Variants in MTUS1 observed in about 807,000 individuals in gnomAD.
MTUS1 encodes microtubule associated scaffold protein 1.
In MTUS1, 109 loss-of-function variants were observed where a neutral mutation model predicts 120.8. The ratio of observed to expected loss-of-function variants is 0.90; its 90% CI spans 0.77 to 1.06. The LOEUF (loss-of-function observed/expected upper bound fraction) is 1.06, where lower values mean the gene tolerates loss of function less well. MTUS1 is among the 50% of genes least tolerant of loss of function. The pLI is 0.00. For synonymous variants in MTUS1, 737 were observed against 550.5 expected (o/e 1.34, Z -4.74); for missense variants, 2,210 against 1,486.3 (o/e 1.49, Z -8.01).
In MTUS1 at chr8:17,767,707, A is replaced by AAAAAAAAAAAAAACAAACAAACAAAC. The variant is rs1554533231; in HGVS notation, c.-154-11747_-154-11746insGTTTGTTTGTTTGTTTTTTTTTTTTT. Reference sequence around the variant, plus strand: ...GAGCAAGACCCTGTCTCTTAAAAAAAAAAAAAAAAAACGGTGTGAAAGAGA... The same window carrying AAAAAAAAAAAAAACAAACAAACAAAC: ...GAGCAAGACCCTGTCTCTTAAAAAAAAAAAAAAAAAAAACAAACAAACAAACAAAAAAAAAAACGGTGTGAAAGAGA... On this transcript the variant is annotated intron_variant, in intron 1 of 14. Transcript: ENST00000693296. Among the ~76,000 whole-genome samples, 761 of 144,466 alleles carry AAAAAAAAAAAAAACAAACAAACAAAC rather than the reference A, an allele frequency of 5.3e-3. 14 individuals are homozygous for AAAAAAAAAAAAAACAAACAAACAAAC. The highest frequency in any genetic ancestry group is 0.019 in the African/African-American group (721 of 37,956). 94.8% of individuals were successfully genotyped at this position (144,466 alleles called of 152,430 possible).
chr8:17,798,675 T>A (rs892313024), intron 1 of MTUS1, among the ~76,000 whole-genome samples: 1 of 152,218 alleles, frequency 6.6e-6, no homozygotes, highest in African/African-American at 2.4e-5. Context: ...CATATAGTTC[T>A]GAAGCTACGA....
chr8:17,748,872 C>T (rs1336793460), intron 2 of MTUS1, among the ~76,000 whole-genome samples: 2 of 152,160 alleles, frequency 1.3e-5, no homozygotes, highest in African/African-American at 4.8e-5. Context: ...ATGTATAATA[C>T]ATAGTATGCA....
rs773225250 is a variant in MTUS1, at chr8:17,654,659, T to G, written c.3116A>C (p.Asn1039Thr). ...AGAGGTTTCATGCGCAGCATTTAAG[T>G]TGTCAAACTGTAAGCAACAAACAAA... ...YKMQLQEQFD[N>T]LNAAHETSKL... is the part of the protein sequence containing the mutation. Residue 1039 changes from asparagine (N) to threonine (T), a missense_variant, in exon 10 of 15, where the codon AAC becomes ACC. Coordinates refer to ENST00000693296, the MANE Select transcript of MTUS1 (RefSeq NM_001363059.2). 5.6e-6 allele frequency: 9 copies of G among 1,612,986 alleles called. No homozygotes were observed. In the East Asian group the frequency reaches 6.7e-5, roughly 12 times the overall value.
chr8:17,777,586 G>T (rs1019731087), intron 1 of MTUS1, among the ~76,000 whole-genome samples: 3 of 152,120 alleles, frequency 2.0e-5, no homozygotes, highest in Admixed American at 6.6e-5. Flanking sequence ...ACGTGGATGG[G>T]ACCAACATAC....
At position 17,787,317 on chromosome 8, in the gene MTUS1, C is replaced by T. The variant is rs2073699; in HGVS notation, c.-155+13744G>A. Among the ~76,000 whole-genome samples the T allele has an allele frequency of 3.9e-4, 60 of 152,334 alleles. No individual in the cohort carries two copies. The East Asian group carries it at 9.8e-3, about 25-fold the overall frequency. The stretch of plus-strand genomic sequence containing the variant: ...CCAGTAGACAGTCCCATGTGACAGA[C>T]AGGTCACATGACAGTCACATTCCCC... On this transcript the variant is annotated intron_variant, in intron 1 of 14. Transcript: ENST00000693296.
At chr8:17,774,971 T>A (rs371170499) in intron 1 of MTUS1, among the ~76,000 whole-genome samples, 143 of 96,934 alleles carry the variant, frequency 1.5e-3, no homozygotes, top group South Asian at 3.6e-3. Context: ...ATATTATAAG[T>A]AAAAAAAAAA....
intron 2 of MTUS1, among the ~76,000 whole-genome samples, chr8:17,752,966 A>C (rs1194959748): frequency 6.6e-6 from 1 of 152,224 alleles, no homozygotes. Context: ...TTTAAAGGAA[A>C]ATCACCTTTA....
chr8:17,761,395 G>C (rs143529787), intron 1 of MTUS1, among the ~76,000 whole-genome samples: 2 of 152,146 alleles, frequency 1.3e-5, no homozygotes, highest in African/African-American at 4.8e-5. Context: ...CCATATTAAT[G>C]CTAGAAGAAA....
chr8:17,731,920 T>C (rs1427079420), intron 3 of MTUS1, among the ~76,000 whole-genome samples: 2 of 152,214 alleles, frequency 1.3e-5, no homozygotes, highest in Non-Finnish European at 2.9e-5. Flanking sequence ...AAAAGTCAAA[T>C]ACTTGCTTCC....
chr8:17,701,201 C>T (rs1819015832), intron 6 of MTUS1, among the ~76,000 whole-genome samples: 1 of 152,164 alleles, frequency 6.6e-6, no homozygotes, highest in Non-Finnish European at 1.5e-5. Context: ...TCCTTACTTT[C>T]CCTAACACAG....
chr8:17,711,878 A>C (rs570830368), intron 6 of MTUS1, among the ~76,000 whole-genome samples: 36 of 152,286 alleles, frequency 2.4e-4, no homozygotes, highest in African/African-American at 8.7e-4. Flanking sequence ...TGTCTCAGGG[A>C]ATAAGGAAGA....
chr8:17,667,585 T>C (rs1811168137), intron 8 of MTUS1, among the ~76,000 whole-genome samples: 1 of 152,250 alleles, frequency 6.6e-6, no homozygotes, highest in South Asian at 2.1e-4. Context: ...CTCAGTAAGA[T>C]ACATTTTAAC....
At chr8:17,684,275 C>A in intron 7 of MTUS1, 53 bp downstream of exon 7, 1 of 1,366,784 alleles carries the variant, frequency 7.3e-7, no homozygotes, top group South Asian at 1.2e-5. Context: ...AAGTCCTCCC[C>A]GTGCTCCCCC....
At chr8:17,714,400 T>C (rs1298397535) in intron 5 of MTUS1, among the ~76,000 whole-genome samples, 1 of 152,138 alleles carries the variant, frequency 6.6e-6, no homozygotes, top group Non-Finnish European at 1.5e-5. Context: ...CTAATAGATA[T>C]TAACAATCCA....
At chr8:17,796,642 T>C (rs985885880) in intron 1 of MTUS1, among the ~76,000 whole-genome samples, 8 of 152,196 alleles carry the variant, frequency 5.3e-5, no homozygotes, top group Admixed American at 5.2e-4. Flanking sequence ...GAAGTCTCTT[T>C]TACCATTTCT....
chr8:17,644,295 G>A lies in MTUS1; in HGVS notation c.*1631C>T, dbSNP rs144255017. On this transcript the variant is annotated 3_prime_UTR_variant, in exon 15 of 15. Coordinates refer to ENST00000693296, the MANE Select transcript of MTUS1 (RefSeq NM_001363059.2). ...TAATTTAAAAGAACATGCAACATGA[G>A]TATCAACTTGCTATGTAGTGTACAT... is the stretch of plus-strand genomic sequence containing the variant. The A allele has an allele frequency of 2.6e-5, 4 of 152,750 alleles. No homozygotes were observed. Among genetic ancestry groups the A allele is most frequent in the Non-Finnish European group, 5.9e-5 (4 of 68,040 alleles). The allele number at this position is 152,750 out of a possible 1,614,324, so 9.5% of individuals were successfully genotyped here. A position where few individuals can be genotyped will look rare whatever the true frequency, so the allele number is the denominator to read the frequency against.
chr8:17,798,060 A>G (rs1456740383), intron 1 of MTUS1, among the ~76,000 whole-genome samples: 28 of 152,294 alleles, frequency 1.8e-4, no homozygotes, highest in East Asian at 1.9e-4. Context: ...TGACTATAAA[A>G]AGAAGAATCT....
chr8:17,715,678 A>G (rs1822177919), intron 5 of MTUS1, 89 bp downstream of exon 5: 2 of 1,313,400 alleles, frequency 1.5e-6, no homozygotes, highest in African/African-American at 1.5e-5. Context: ...TGACTATACC[A>G]TAAACCTAAT....
intron 3 of MTUS1, among the ~76,000 whole-genome samples, chr8:17,730,524 G>C (rs761142842): frequency 2.7e-5 from 4 of 150,282 alleles, no homozygotes; most frequent in Non-Finnish European, 5.9e-5. Flanking sequence ...ACTTGAGCAG[G>C]TATCTGTACA....
Sources: gnomAD v4.1 joint callset for allele counts (sites outside exome capture counted in the v4.1 genomes callset) on GRCh38, gnomAD v4.1.1 for gene constraint, MANE v1.5 for transcripts, NCBI Gene and HGNC (gene_info 2026-07-23, HGNC 2026-07-21) for gene names.